AGMO: variants seen among roughly 807,000 people sequenced by gnomAD.
AGMO encodes alkylglycerol monooxygenase, also known as glyceryl-ether monooxygenase.
In AGMO, 75 loss-of-function variants were observed where a neutral mutation model predicts 60.2. The observed-to-expected ratio is 1.25, with a 90% CI of 1.03 to 1.51. The LOEUF (loss-of-function observed/expected upper bound fraction) is 1.51. AGMO is among the 40% of genes most tolerant of loss of function. The pLI is 0.00. For missense variants in AGMO, 763 were observed against 525.5 expected (o/e 1.45, Z -4.42); for synonymous variants, 261 against 177.1 (o/e 1.47, Z -3.76).
chr7:15,529,029 A>G (rs954944818), intron 3 of AGMO, among the ~76,000 whole-genome samples: 1 of 152,072 alleles, frequency 6.6e-6, no homozygotes, highest in African/African-American at 2.4e-5. Context: ...CTTAAAAGAC[A>G]CAAAAAGACA....
intron 12 of AGMO, among the ~76,000 whole-genome samples, chr7:15,278,923 T>C (rs977341751): frequency 6.6e-6 from 1 of 152,012 alleles, no homozygotes; most frequent in African/African-American, 2.4e-5. Flanking sequence ...TAGCAGTGGG[T>C]TGGGGAGGCG....
intron 12 of AGMO, among the ~76,000 whole-genome samples, chr7:15,301,676 T>C (rs1004409282): frequency 1.3e-5 from 2 of 152,224 alleles, no homozygotes. Flanking sequence ...TAGAGGATAA[T>C]AGAAATGTTT....
At chr7:15,182,839 T>A in the AGMO span, among the ~76,000 whole-genome samples, 1 of 152,160 alleles carries the variant, frequency 6.6e-6, no homozygotes, top group Non-Finnish European at 1.5e-5. Flanking sequence ...GGGAGCATAG[T>A]GGCTTCTGGG....
chr7:15,383,030 T>A (rs749779083), intron 10 of AGMO, among the ~76,000 whole-genome samples: 1 of 152,080 alleles, frequency 6.6e-6, no homozygotes, highest in Non-Finnish European at 1.5e-5. Context: ...TTGTTCTTCA[T>A]AGACCATGAG....
intron 3 of AGMO, among the ~76,000 whole-genome samples, chr7:15,519,667 G>T (rs1221604011): frequency 6.6e-6 from 1 of 152,036 alleles, no homozygotes; most frequent in Non-Finnish European, 1.5e-5. Flanking sequence ...CACTAAATAT[G>T]AAAAGGAAAA....
chr7:15,511,225 T>G (rs1377758594), intron 3 of AGMO, among the ~76,000 whole-genome samples: 1 of 152,104 alleles, frequency 6.6e-6, no homozygotes, highest in South Asian at 2.1e-4. Flanking sequence ...CCCACCCACA[T>G]GCACTCATGC....
At chr7:15,310,183 G>C (rs993444089) in intron 12 of AGMO, among the ~76,000 whole-genome samples, 2 of 152,136 alleles carry the variant, frequency 1.3e-5, no homozygotes, top group African/African-American at 4.8e-5. Context: ...TTAATTTAAA[G>C]AATAATTTGA....
chr7:15,142,241 A>T, the AGMO span, among the ~76,000 whole-genome samples: 1 of 152,228 alleles, frequency 6.6e-6, no homozygotes, highest in Non-Finnish European at 1.5e-5. Context: ...ACTGATTCTA[A>T]GCCTCTATCC....
At chr7:15,238,752 C>A (rs1263056391) in intron 12 of AGMO, among the ~76,000 whole-genome samples, 1 of 151,728 alleles carries the variant, frequency 6.6e-6, no homozygotes, top group Non-Finnish European at 1.5e-5. Context: ...GGGAAAACTT[C>A]CAATTTTACA....
chr7:15,539,919 T>C (rs557655019), intron 3 of AGMO, among the ~76,000 whole-genome samples: 1 of 152,166 alleles, frequency 6.6e-6, no homozygotes, highest in Non-Finnish European at 1.5e-5. Flanking sequence ...ATGAAAACCC[T>C]AATTTGTTAT....
intron 12 of AGMO, among the ~76,000 whole-genome samples, chr7:15,272,137 CT>C (rs140574892): frequency 0.032 from 4,876 of 151,114 alleles, 267 homozygotes; most frequent in African/African-American, 0.11. Context: ...CCCTTTTTTT[CT>C]TTTTTTTATT....
intron 12 of AGMO, among the ~76,000 whole-genome samples, chr7:15,240,105 A>T (rs1394251991): frequency 6.6e-6 from 1 of 152,168 alleles, no homozygotes; most frequent in Non-Finnish European, 1.5e-5. Context: ...CTAACAATCA[A>T]GCTACATCAA....
chr7:15,217,079 G>C (rs148360714), intron 12 of AGMO, among the ~76,000 whole-genome samples: 1 of 152,050 alleles, frequency 6.6e-6, no homozygotes. Flanking sequence ...TGGAAAACGA[G>C]AAGGTGAGGA....
At chr7:15,187,822 G>C in the AGMO span, among the ~76,000 whole-genome samples, 1 of 151,994 alleles carries the variant, frequency 6.6e-6, no homozygotes, top group Non-Finnish European at 1.5e-5. Context: ...TTTTCAGACT[G>C]TTTTCCTCTT....
At chr7:15,529,354 T>C (rs1583649966) in intron 3 of AGMO, among the ~76,000 whole-genome samples, 1 of 150,452 alleles carries the variant, frequency 6.6e-6, no homozygotes, top group South Asian at 2.1e-4. Flanking sequence ...ATGTTGCTTG[T>C]TTCATCTGTC....
chr7:15,270,640 T>G (rs1271124767), intron 12 of AGMO, among the ~76,000 whole-genome samples: 2 of 126,484 alleles, frequency 1.6e-5, no homozygotes, highest in African/African-American at 6.0e-5. Context: ...TTTTTTTTGC[T>G]GTGCAGAAGC....
At chr7:15,214,363 C>T (rs1430788658) in intron 12 of AGMO, among the ~76,000 whole-genome samples, 1 of 151,964 alleles carries the variant, frequency 6.6e-6, no homozygotes, top group Non-Finnish European at 1.5e-5. Flanking sequence ...GCAAAAGAGA[C>T]CTCTTTGGTT....
rs1321670088 is a variant in AGMO, at chr7:15,387,485, T to C, written c.878A>G (p.Asn293Ser). ...TCCCTTAAATATGACAGAAAACTTA[T>C]TGAAGAATCCAGGTGTGGCCCAGAA... ...TTFWATPGFF[N>S]KFSVIFKGPG... The change falls in exon 9 of 13, where the codon AAT (asparagine) becomes AGT (serine). Residue 293 changes from asparagine to serine, a missense_variant. Physicochemically the swap from Asn to Ser is conservative, Grantham distance 46 (BLOSUM62 1). Coordinates refer to ENST00000342526, the MANE Select transcript of AGMO (RefSeq NM_001004320.2). The C allele has an allele frequency of 3.1e-5, 50 of 1,613,884 alleles. No homozygotes were observed. The highest frequency in any genetic ancestry group is 3.8e-5 in the Non-Finnish European group (45 of 1,179,954).
At chr7:15,235,781 A>G (rs757381574) in intron 12 of AGMO, among the ~76,000 whole-genome samples, 1 of 152,180 alleles carries the variant, frequency 6.6e-6, no homozygotes, top group Non-Finnish European at 1.5e-5. Context: ...GGATAGAAGA[A>G]GGAAGCAATT....
Sources: gnomAD v4.1 joint callset for allele counts (sites outside exome capture counted in the v4.1 genomes callset) on GRCh38, gnomAD v4.1.1 for gene constraint, MANE v1.5 for transcripts, NCBI Gene and HGNC (gene_info 2026-07-23, HGNC 2026-07-21) for gene names.